Variants in NTM observed in about 807,000 individuals in gnomAD.
NTM encodes neurotrimin.
Under a neutral mutation model 42.1 loss-of-function variants are expected in NTM, and 13 were observed. The ratio of observed to expected loss-of-function variants is 0.31; its 90% CI spans 0.20 to 0.49. The LOEUF (loss-of-function observed/expected upper bound fraction) is 0.49. Among genes scored for constraint, NTM ranks in the 20% least tolerant of loss-of-function variants. The probability of loss-of-function intolerance (pLI) is 0.99; values close to 1 mark genes in which losing one functional copy is unlikely to be tolerated. For missense variants in NTM, 373 were observed against 452.8 expected (o/e 0.82, Z 1.60); for synonymous variants, 187 against 179.2 (o/e 1.04, Z -0.35).
intron 1 of NTM, among the ~76,000 whole-genome samples, chr11:131,561,747 C>T (rs1393845278): frequency 6.6e-6 from 1 of 152,206 alleles, no homozygotes; most frequent in Non-Finnish European, 1.5e-5. Context: ...CCCACACTTT[C>T]CTTTCCTGGC....
chr11:131,729,716 T>A (rs2079398933), intron 1 of NTM, among the ~76,000 whole-genome samples: 1 of 152,246 alleles, frequency 6.6e-6, no homozygotes, highest in Admixed American at 6.5e-5. Flanking sequence ...CTTCTTCATT[T>A]AGCATTTTGT....
chr11:132,038,556 G>T (rs2135742937), intron 2 of NTM, among the ~76,000 whole-genome samples: 1 of 152,286 alleles, frequency 6.6e-6, no homozygotes, highest in South Asian at 2.1e-4. Context: ...TCCTCCTGGG[G>T]CTGTTTAGAG....
chr11:132,224,313 G>A (rs2085751613), intron 4 of NTM, among the ~76,000 whole-genome samples: 1 of 152,164 alleles, frequency 6.6e-6, no homozygotes, highest in Non-Finnish European at 1.5e-5. Context: ...GTCTCGGGGA[G>A]CATCTTGCCT....
chr11:132,275,746 A>G (rs2093696542), intron 4 of NTM, among the ~76,000 whole-genome samples: 2 of 81,150 alleles, frequency 2.5e-5, no homozygotes, highest in African/African-American at 1.1e-4. Flanking sequence ...GTATATATAT[A>G]TGTGTATATA....
intron 1 of NTM, among the ~76,000 whole-genome samples, chr11:131,432,034 G>A (rs994086453): frequency 7.9e-5 from 12 of 152,172 alleles, no homozygotes; most frequent in Non-Finnish European, 1.8e-4. Flanking sequence ...TTTAATGAGT[G>A]CAGGAGGTTT....
intron 1 of NTM, among the ~76,000 whole-genome samples, chr11:131,583,104 T>C (rs1421264978): frequency 6.6e-6 from 1 of 152,214 alleles, no homozygotes; most frequent in Non-Finnish European, 1.5e-5. Flanking sequence ...TCCACAGTGC[T>C]GGGGACACTG....
intron 1 of NTM, among the ~76,000 whole-genome samples, chr11:131,866,270 C>T (rs1592373359): frequency 6.9e-6 from 1 of 145,006 alleles, no homozygotes; most frequent in Non-Finnish European, 1.5e-5. Context: ...AGCCTTGTCC[C>T]AAATTTACAT....
intron 1 of NTM, among the ~76,000 whole-genome samples, chr11:131,629,014 T>C (rs1370945043): frequency 1.3e-5 from 2 of 152,234 alleles, no homozygotes; most frequent in African/African-American, 4.8e-5. Context: ...GGGACCAAGT[T>C]GAAGGAATCG....
intron 2 of NTM, among the ~76,000 whole-genome samples, chr11:132,102,055 C>T (rs752605644): frequency 7.2e-5 from 11 of 152,182 alleles, no homozygotes; most frequent in Non-Finnish European, 1.5e-4. Context: ...CTTCACGCCT[C>T]TAAGTCTTGG....
At chr11:132,008,085 A>C (rs1280711272) in intron 2 of NTM, among the ~76,000 whole-genome samples, 1 of 152,178 alleles carries the variant, frequency 6.6e-6, no homozygotes, top group African/African-American at 2.4e-5. Context: ...TTCAGGCCCC[A>C]AATGAAGCAA....
chr11:131,455,268 G>A (rs565399924), intron 1 of NTM, among the ~76,000 whole-genome samples: 1 of 152,318 alleles, frequency 6.6e-6, no homozygotes, highest in East Asian at 1.9e-4. Flanking sequence ...TTTAGATGCA[G>A]GAGGTGTTAC....
chr11:132,319,157 T>A (rs1169456141), intron 7 of NTM, among the ~76,000 whole-genome samples: 1 of 152,152 alleles, frequency 6.6e-6, no homozygotes, highest in Non-Finnish European at 1.5e-5. Context: ...GATGGCCGAA[T>A]AGGAACAGCT....
chr11:132,297,282 C>A lies in NTM; in HGVS notation c.527-10407C>A, dbSNP rs186359988. 6.9e-4 allele frequency among the ~76,000 whole-genome samples: 105 copies of A among 152,278 alleles called. 1 individual carries two copies. The highest frequency in any genetic ancestry group is 1.9e-3 in the African/African-American group (79 of 41,568). On this transcript the variant is annotated intron_variant, in intron 4 of 8. Transcript: ENST00000683400. ...ACCCCAGGTTTTCTGCTCCCTCTGT[C>A]CCCCAAGTGGTCCCCTTGTCATTGA...
intron 2 of NTM, among the ~76,000 whole-genome samples, chr11:131,952,133 G>A (rs1208730102): frequency 6.6e-6 from 1 of 151,892 alleles, no homozygotes; most frequent in Non-Finnish European, 1.5e-5. Flanking sequence ...TACCCCTCAA[G>A]GACAGCCTAA....
intron 1 of NTM, among the ~76,000 whole-genome samples, chr11:131,846,616 A>G (rs1396779757): frequency 6.6e-6 from 1 of 152,196 alleles, no homozygotes; most frequent in East Asian, 1.9e-4. Flanking sequence ...TTGAGTATGA[A>G]TGAAATTTGA....
intron 1 of NTM, among the ~76,000 whole-genome samples, chr11:131,843,973 T>G (rs7114657): frequency 0.12 from 17,779 of 152,024 alleles, 1,137 homozygotes; most frequent in African/African-American, 0.15. Context: ...CCTGTGTCTC[T>G]TGTTTACACT....
chr11:131,811,155 A>G (rs7116261), intron 1 of NTM, among the ~76,000 whole-genome samples: 29,692 of 152,112 alleles, frequency 0.2, 5,838 homozygotes, highest in African/African-American at 0.51. Flanking sequence ...ATAGAGATCT[A>G]GTGGTTATGT....
intron 1 of NTM, among the ~76,000 whole-genome samples, chr11:131,870,137 T>C (rs1349581698): frequency 1.3e-5 from 2 of 152,172 alleles, no homozygotes; most frequent in Non-Finnish European, 2.9e-5. Flanking sequence ...TTTCATGCAC[T>C]CTTGTGAAGG....
intron 2 of NTM, among the ~76,000 whole-genome samples, chr11:131,962,156 A>G (rs2062258399): frequency 6.6e-6 from 1 of 152,062 alleles, no homozygotes; most frequent in African/African-American, 2.4e-5. Flanking sequence ...ATGTCCTGCA[A>G]TACCTCTTGA....
Sources: gnomAD v4.1 joint callset for allele counts (sites outside exome capture counted in the v4.1 genomes callset) on GRCh38, gnomAD v4.1.1 for gene constraint, MANE v1.5 for transcripts, NCBI Gene and HGNC (gene_info 2026-07-23, HGNC 2026-07-21) for gene names.